Variants in NXPH1 observed in about 807,000 individuals in gnomAD.
NXPH1 encodes neurexophilin 1, also known as neurexophilin-1.
A neutral mutation model predicts 23.7 loss-of-function variants in NXPH1; 5 were observed. The ratio of observed to expected loss-of-function variants is 0.21; its 90% CI spans 0.11 to 0.44. The LOEUF (loss-of-function observed/expected upper bound fraction) is 0.44, where lower values mean the gene tolerates loss of function less well. NXPH1 is among the 20% of genes least tolerant of loss of function. The probability of loss-of-function intolerance (pLI) is 0.99; values close to 1 mark genes in which losing one functional copy is unlikely to be tolerated. For missense variants in NXPH1, 324 were observed against 321.6 expected (o/e 1.01, Z -0.06); for synonymous variants, 144 against 122.2 (o/e 1.18, Z -1.18).
At chr7:8,471,446 T>TA (rs1236411532) in intron 2 of NXPH1, among the ~76,000 whole-genome samples, 8 of 152,268 alleles carry the variant, frequency 5.3e-5, no homozygotes, top group East Asian at 1.9e-4. Context: ...GGATGAGTAT[T>TA]AAAAAATCAC....
intron 2 of NXPH1, among the ~76,000 whole-genome samples, chr7:8,439,806 T>C (rs1816261894): frequency 6.6e-6 from 1 of 152,196 alleles, no homozygotes; most frequent in South Asian, 2.1e-4. Flanking sequence ...ATTATGAAGA[T>C]GGCTGTTAAG....
Position 8,726,286 on chromosome 7 carries a change from T to C in NXPH1, c.55-24722T>C, listed in dbSNP as rs143992324. Among the ~76,000 whole-genome samples the C allele has an allele frequency of 1.6e-3, 243 of 152,080 alleles. 3 individuals carry two copies. Among genetic ancestry groups the C allele is most frequent in the African/African-American group, 5.6e-3 (232 of 41,534 alleles). ...CCTCGTTTGCTTCTTTTTCTTTTTT[T>C]TTTTTTACACTTTACTGCAATAATT... On this transcript the variant is annotated intron_variant, in intron 2 of 2. Coordinates refer to ENST00000405863, the MANE Select transcript of NXPH1 (RefSeq NM_152745.3).
chr7:8,556,813 T>C (rs1338574243), intron 2 of NXPH1, among the ~76,000 whole-genome samples: 1 of 151,748 alleles, frequency 6.6e-6, no homozygotes. Flanking sequence ...CCAAAGATGA[T>C]AGTTAACATT....
At chr7:8,621,338 A>G (rs956216274) in intron 2 of NXPH1, among the ~76,000 whole-genome samples, 2 of 152,178 alleles carry the variant, frequency 1.3e-5, no homozygotes, top group Non-Finnish European at 2.9e-5. Context: ...TGTTTGAGGA[A>G]GGTAGTGACT....
intron 2 of NXPH1, among the ~76,000 whole-genome samples, chr7:8,660,298 A>T (rs1639779543): frequency 1.3e-5 from 2 of 152,218 alleles, no homozygotes; most frequent in African/African-American, 2.4e-5. Flanking sequence ...AGAATTAATC[A>T]GGGGTGGTGA....
At chr7:8,667,019 A>G (rs990004308) in intron 2 of NXPH1, among the ~76,000 whole-genome samples, 11 of 152,186 alleles carry the variant, frequency 7.2e-5, no homozygotes, top group Non-Finnish European at 1.0e-4. Context: ...AGAACATCTT[A>G]TAGTTATAAC....
chr7:8,502,157 A>G (rs938609464), intron 2 of NXPH1, among the ~76,000 whole-genome samples: 22 of 152,150 alleles, frequency 1.4e-4, no homozygotes, highest in South Asian at 6.2e-4. Context: ...TCCCTATCTC[A>G]GAAATTACAG....
rs998953769 is a variant in NXPH1, at chr7:8,505,921, A to G, written c.54+70154A>G. ...TGGGAACCATTTTGATTCAGTAGAG[A>G]CAGAAATGGGCCCAGACACCTGCAT... On this transcript the variant is annotated intron_variant, in intron 2 of 2. Coordinates refer to ENST00000405863, the MANE Select transcript of NXPH1 (RefSeq NM_152745.3). Among the ~76,000 whole-genome samples, 34 of 152,084 alleles carry G rather than the reference A, an allele frequency of 2.2e-4. 1 individual carries two copies. Among genetic ancestry groups the G allele is most frequent in the African/African-American group, 8.0e-4 (33 of 41,438 alleles).
intron 2 of NXPH1, among the ~76,000 whole-genome samples, chr7:8,445,760 A>C (rs1816394203): frequency 6.6e-6 from 1 of 152,202 alleles, no homozygotes; most frequent in Admixed American, 6.5e-5. Context: ...AATTGTGGAG[A>C]ATTCTTTTGT....
intron 2 of NXPH1, among the ~76,000 whole-genome samples, chr7:8,595,917 A>G (rs1819212576): frequency 6.6e-6 from 1 of 152,064 alleles, no homozygotes; most frequent in Non-Finnish European, 1.5e-5. Context: ...ATAAGGACAG[A>G]TAAATAATAG....
At chr7:8,635,610 C>A (rs1172383722) in intron 2 of NXPH1, among the ~76,000 whole-genome samples, 1 of 152,186 alleles carries the variant, frequency 6.6e-6, no homozygotes, top group Non-Finnish European at 1.5e-5. Context: ...CACTCAATTA[C>A]CTGCCAGAAC....
chr7:8,630,967 C>T lies in NXPH1; in HGVS notation c.55-120041C>T, dbSNP rs1236186507. 2.6e-5 allele frequency among the ~76,000 whole-genome samples: 4 copies of T among 152,250 alleles called. No homozygotes were observed. In the East Asian group the frequency reaches 7.7e-4, roughly 29 times the overall value. On this transcript the variant is annotated intron_variant, in intron 2 of 2. Coordinates refer to ENST00000405863, the MANE Select transcript of NXPH1 (RefSeq NM_152745.3). ...AAAGGCCTCAGTATGTGTTGTTCCCCTCTATGTGTTCATGTGTTCTCATCA... is the reference window on the plus strand; with the variant it reads ...AAAGGCCTCAGTATGTGTTGTTCCCTTCTATGTGTTCATGTGTTCTCATCA...
intron 2 of NXPH1, among the ~76,000 whole-genome samples, chr7:8,451,751 T>C (rs573494544): frequency 6.6e-6 from 1 of 152,360 alleles, no homozygotes; most frequent in African/African-American, 2.4e-5. Flanking sequence ...CTGGTTTGGA[T>C]GATTAAATTA....
At chr7:8,583,583 G>A (rs1323796191) in intron 2 of NXPH1, among the ~76,000 whole-genome samples, 1 of 152,178 alleles carries the variant, frequency 6.6e-6, no homozygotes, top group East Asian at 1.9e-4. Context: ...GGGGGTTTAA[G>A]AAATGTGTTA....
At chr7:8,588,121 G>A (rs1819016808) in intron 2 of NXPH1, among the ~76,000 whole-genome samples, 1 of 152,170 alleles carries the variant, frequency 6.6e-6, no homozygotes, top group Admixed American at 6.5e-5. Flanking sequence ...CAGATGTGGA[G>A]AAATAGGAAT....
At chr7:8,714,315 G>A (rs1317774304) in intron 2 of NXPH1, among the ~76,000 whole-genome samples, 1 of 151,728 alleles carries the variant, frequency 6.6e-6, no homozygotes, top group East Asian at 2.0e-4. Flanking sequence ...GACAGACCTG[G>A]GACTGACTCA....
chr7:8,570,943 T>TA (rs1488321105), intron 2 of NXPH1, among the ~76,000 whole-genome samples: 1 of 151,874 alleles, frequency 6.6e-6, no homozygotes, highest in East Asian at 1.9e-4. Context: ...TGGGAGTTTA[T>TA]AAAAATAACC....
chr7:8,564,171 C>T (rs1818499472), intron 2 of NXPH1, among the ~76,000 whole-genome samples: 1 of 151,798 alleles, frequency 6.6e-6, no homozygotes, highest in Non-Finnish European at 1.5e-5. Context: ...TTGCCATCCG[C>T]TTACTCTGAT....
At chr7:8,496,034 G>T (rs1817332774) in intron 2 of NXPH1, among the ~76,000 whole-genome samples, 1 of 151,964 alleles carries the variant, frequency 6.6e-6, no homozygotes, top group African/African-American at 2.4e-5. Flanking sequence ...ATTTATAGGG[G>T]CTTAAGAGGG....
Sources: allele counts gnomAD v4.1 joint callset (sites outside exome capture counted in the v4.1 genomes callset), GRCh38; gene constraint gnomAD v4.1.1; transcripts MANE v1.5; gene names NCBI Gene and HGNC (gene_info 2026-07-23, HGNC 2026-07-21).